Variants in CDH4 observed in about 807,000 individuals in gnomAD.
CDH4 encodes the protein cadherin 4.
A neutral mutation model predicts 86.0 loss-of-function variants in CDH4; 33 were observed. The ratio of observed to expected loss-of-function variants is 0.38; its 90% confidence interval spans 0.29 to 0.51. The LOEUF is 0.51. Among genes scored for constraint, CDH4 ranks in the 20% least tolerant of loss-of-function variants. The pLI, the probability that CDH4 is intolerant of heterozygous loss-of-function variation, is 0.86. For missense variants in CDH4, 1,114 were observed against 1,307.4 expected (o/e 0.85, Z 2.28); for synonymous variants, 555 against 549.4 (o/e 1.01, Z -0.14).
intron 2 of CDH4, among the ~76,000 whole-genome samples, chr20:61,489,620 C>T (rs903943340): frequency 6.6e-5 from 10 of 152,234 alleles, no homozygotes; most frequent in Admixed American, 6.5e-5. Context: ...GAACCCTCAG[C>T]CAGGGTTGAT....
intron 2 of CDH4, among the ~76,000 whole-genome samples, chr20:61,284,837 G>A (rs946270335): frequency 6.6e-6 from 1 of 152,222 alleles, no homozygotes; most frequent in African/African-American, 2.4e-5. Flanking sequence ...AGGCTTGGCG[G>A]GCCAGATGTC....
chr20:61,619,786 C>G (rs1405284606), intron 2 of CDH4, among the ~76,000 whole-genome samples: 1 of 152,210 alleles, frequency 6.6e-6, no homozygotes, highest in Non-Finnish European at 1.5e-5. Context: ...GGAGGGCACT[C>G]AGGAACCTAC....
intron 2 of CDH4, among the ~76,000 whole-genome samples, chr20:61,672,867 G>A (rs1386490674): frequency 1.3e-5 from 2 of 152,082 alleles, no homozygotes; most frequent in East Asian, 1.9e-4. Context: ...TGGGTGAGGC[G>A]CAGGCCTGAG....
intron 2 of CDH4, among the ~76,000 whole-genome samples, chr20:61,602,450 C>T (rs1259286562): frequency 1.3e-5 from 2 of 152,068 alleles, no homozygotes; most frequent in Non-Finnish European, 2.9e-5. Context: ...CTTGGTGTAA[C>T]AGGCCTTGCT....
intron 2 of CDH4, among the ~76,000 whole-genome samples, chr20:61,498,892 C>T (rs1600713650): frequency 6.6e-6 from 1 of 152,302 alleles, no homozygotes. Flanking sequence ...CCCTTTACTC[C>T]AGCTGTCTTC....
intron 2 of CDH4, among the ~76,000 whole-genome samples, chr20:61,695,355 A>C (rs1433076915): frequency 6.6e-6 from 1 of 152,160 alleles, no homozygotes; most frequent in Non-Finnish European, 1.5e-5. Context: ...TGGGTATCAG[A>C]TGTATTCCAC....
At chr20:61,755,598 A>T (rs1219333474) in intron 3 of CDH4, among the ~76,000 whole-genome samples, 1 of 146,344 alleles carries the variant, frequency 6.8e-6, no homozygotes, top group African/African-American at 2.6e-5. Context: ...CACCACATAC[A>T]CAGTGCATGC....
intron 13 of CDH4, 124 bp downstream of exon 13, chr20:61,929,966 C>A: frequency 1.4e-6 from 1 of 720,266 alleles, no homozygotes; most frequent in South Asian, 1.7e-5. Flanking sequence ...CCTCATCTGT[C>A]AGGAGCCTTT....
At chr20:61,410,931 A>G (rs1357681591) in intron 2 of CDH4, among the ~76,000 whole-genome samples, 1 of 148,664 alleles carries the variant, frequency 6.7e-6, no homozygotes, top group Non-Finnish European at 1.5e-5. Context: ...CCATTCATCC[A>G]TCTGTCCATC....
chr20:61,563,404 A>G (rs555134525), intron 2 of CDH4, among the ~76,000 whole-genome samples: 89 of 152,290 alleles, frequency 5.8e-4, no homozygotes, highest in African/African-American at 1.9e-3. Context: ...TCCAGCCCCA[A>G]TGTCTCCCTC....
At chr20:61,359,023 T>C (rs1480542732) in intron 2 of CDH4, among the ~76,000 whole-genome samples, 3 of 152,086 alleles carry the variant, frequency 2.0e-5, no homozygotes, top group South Asian at 2.1e-4. Context: ...AGGGTCAGGT[T>C]GGGAAGCCGG....
At chr20:61,804,657 C>T (rs2146037121) in intron 4 of CDH4, among the ~76,000 whole-genome samples, 1 of 152,336 alleles carries the variant, frequency 6.6e-6, no homozygotes. Flanking sequence ...GTTTCTGCTG[C>T]CTCAGTGTGG....
intron 2 of CDH4, among the ~76,000 whole-genome samples, chr20:61,702,793 A>C (rs2087790760): frequency 1.3e-5 from 2 of 152,234 alleles, no homozygotes; most frequent in African/African-American, 4.8e-5. Flanking sequence ...ATTTTTTTCC[A>C]AAGTACTTTG....
At chr20:61,565,373 T>TGCTCTTGGTGGTGGC (rs1568689238) in intron 2 of CDH4, among the ~76,000 whole-genome samples, 4 of 14,116 alleles carry the variant, frequency 2.8e-4, no homozygotes, top group Admixed American at 5.9e-4. Flanking sequence ...ATGGTGGTGG[T>TGCTCTTGGTGGTGGC]GGTCCTCTTG....
rs999581163 is a variant in CDH4, at chr20:61,663,659, C to T, written c.170-79904C>T. ...TGGCTGCCCAGGGGAAGCGGGGACTCGAGGAGAGCAGGGAGTGCTGTCTTC... is the reference window on the plus strand; with the variant it reads ...TGGCTGCCCAGGGGAAGCGGGGACTTGAGGAGAGCAGGGAGTGCTGTCTTC... On this transcript the variant is annotated intron_variant, in intron 2 of 15. Coordinates refer to ENST00000614565, the MANE Select transcript of CDH4 (RefSeq NM_001794.5). This position sits in a 1 kb window ranked among gnomAD's most constrained non-coding sequence, Gnocchi z 5.0. Among the ~76,000 whole-genome samples the T allele has an allele frequency of 2.6e-5, 4 of 151,920 alleles. No individual in the cohort carries two copies. Among genetic ancestry groups the T allele is most frequent in the East Asian group, 1.9e-4 (1 of 5,164 alleles).
At position 61,266,568 on chromosome 20, in the gene CDH4, C is replaced by T. The variant is rs181918849; in HGVS notation, c.169+11631C>T. On this transcript the variant is annotated intron_variant, in intron 2 of 15. Coordinates refer to ENST00000614565, the MANE Select transcript of CDH4 (RefSeq NM_001794.5). ...GTATGAAGTCCCCGACTTCCGCTTC[C>T]AGGAAGGTCCAAGGAGAAACGCAGG... Among the ~76,000 whole-genome samples the T allele has an allele frequency of 3.9e-5, 6 of 151,960 alleles. No individual in the cohort carries two copies. The East Asian group carries it at 7.8e-4, about 20-fold the overall frequency.
At chr20:61,463,862 C>T (rs947936362) in intron 2 of CDH4, among the ~76,000 whole-genome samples, 6 of 152,128 alleles carry the variant, frequency 3.9e-5, no homozygotes, top group Non-Finnish European at 8.8e-5. Flanking sequence ...GTGATTAGGC[C>T]ATCAGGGGAT....
At chr20:61,410,195 T>C (rs975432927) in intron 2 of CDH4, among the ~76,000 whole-genome samples, 1 of 152,336 alleles carries the variant, frequency 6.6e-6, no homozygotes, top group East Asian at 1.9e-4. Flanking sequence ...GAGTAACTTG[T>C]GTTCATCTAT....
At chr20:61,350,735 G>A (rs1327056896) in intron 2 of CDH4, among the ~76,000 whole-genome samples, 17 of 152,218 alleles carry the variant, frequency 1.1e-4, no homozygotes, top group African/African-American at 2.9e-4. Flanking sequence ...TGCTAACTGC[G>A]CCCTCAAGTG....
Sources: gnomAD v4.1 joint callset for allele counts (sites outside exome capture counted in the v4.1 genomes callset) on GRCh38, gnomAD v4.1.1 for gene constraint, Gnocchi (gnomAD v3.1) non-coding constraint, MANE v1.5 for transcripts, NCBI Gene and HGNC (gene_info 2026-07-23, HGNC 2026-07-21) for gene names.